The following PIBF1 variants were observed in gnomAD, a reference collection of about 807,000 sequenced individuals.
PIBF1 encodes the protein progesterone-induced-blocking factor 1.
PIBF1 carries 90 observed loss-of-function variants against 112.5 expected under a neutral mutation model. The ratio of observed to expected loss-of-function variants is 0.80; its 90% CI spans 0.67 to 0.95. PIBF1 has a LOEUF of 0.95. PIBF1 is among the 40% of genes least tolerant of loss of function. The probability of loss-of-function intolerance (pLI) is 0.00; values close to 1 mark genes in which losing one functional copy is unlikely to be tolerated. For synonymous variants in PIBF1, 301 were observed against 288.6 expected (o/e 1.04, Z -0.44); for missense variants, 915 against 852.3 (o/e 1.07, Z -0.92).
At chr13:73,004,831 T>C (rs2043982790) in intron 17 of PIBF1, among the ~76,000 whole-genome samples, 1 of 152,136 alleles carries the variant, frequency 6.6e-6, no homozygotes, top group Non-Finnish European at 1.5e-5. Context: ...GTTCTATGGA[T>C]GGACAGTAGT....
chr13:72,894,336 TC>T (rs1205570442), intron 11 of PIBF1, among the ~76,000 whole-genome samples: 1 of 152,074 alleles, frequency 6.6e-6, no homozygotes, highest in African/African-American at 2.4e-5. Context: ...ATGATATGTT[TC>T]TATCTAATCA....
At chr13:72,841,903 G>C (rs928646505) in intron 9 of PIBF1, among the ~76,000 whole-genome samples, 4 of 152,110 alleles carry the variant, frequency 2.6e-5, no homozygotes, top group Admixed American at 2.6e-4. Context: ...TGCCTATGTA[G>C]AATACTTGAA....
In PIBF1 at chr13:72,821,857, G is replaced by C; in HGVS notation, c.681G>C (p.Glu227Asp). ...NQLKQLTETY[E>D]EDRKNYSEVQ... is the part of the protein sequence containing the mutation. ...ATTCCTTTGGTTTATAGACATATGA[G>C]GAAGATCGAAAAAACTACTCTGAAG... is the stretch of plus-strand genomic sequence containing the variant. The change falls in exon 6 of 18, where the codon GAG becomes GAC. Residue 227 changes from glutamate to aspartate, a missense_variant. Transcript: ENST00000326291. The C allele has an allele frequency of 6.2e-7, 1 of 1,610,598 alleles. No homozygotes were observed. The highest frequency in any genetic ancestry group is 8.5e-7 in the Non-Finnish European group (1 of 1,178,116).
At chr13:72,972,461 C>T (rs2042920584) in intron 15 of PIBF1, among the ~76,000 whole-genome samples, 2 of 152,100 alleles carry the variant, frequency 1.3e-5, no homozygotes, top group African/African-American at 2.4e-5. Flanking sequence ...GTCAGGAATT[C>T]GAGACCAGCC....
At chr13:73,002,958 G>A (rs1172078316) in intron 17 of PIBF1, among the ~76,000 whole-genome samples, 3 of 116,602 alleles carry the variant, frequency 2.6e-5, no homozygotes, top group Non-Finnish European at 4.8e-5. Flanking sequence ...ACTCCAGCCT[G>A]GACGACACAG....
chr13:72,946,157 G>A (rs952218681), intron 14 of PIBF1, among the ~76,000 whole-genome samples: 5 of 152,142 alleles, frequency 3.3e-5, no homozygotes, highest in African/African-American at 1.2e-4. Context: ...CTGCAGGGCT[G>A]AGGAGGCCTC....
At chr13:72,798,149 C>A in intron 5 of PIBF1, 123 bp downstream of exon 5, 2 of 936,228 alleles carry the variant, frequency 2.1e-6, no homozygotes, top group Non-Finnish European at 3.1e-6. Flanking sequence ...ATGGTGACTG[C>A]TACAGTTCAA....
intron 14 of PIBF1, among the ~76,000 whole-genome samples, chr13:72,962,578 C>CA (rs202025763): frequency 0.027 from 4,027 of 148,198 alleles, 74 homozygotes; most frequent in Non-Finnish European, 0.041. Context: ...GACTAGGTGA[C>CA]AGAGTGAGTC....
chr13:72,944,329 C>T (rs1014233217), intron 14 of PIBF1, among the ~76,000 whole-genome samples: 1 of 151,860 alleles, frequency 6.6e-6, no homozygotes, highest in East Asian at 1.9e-4. Context: ...CACCTGTAAT[C>T]CCAGCTACTT....
intron 16 of PIBF1, among the ~76,000 whole-genome samples, chr13:72,990,213 CAAAAAAA>C (rs34873893): frequency 2.2e-3 from 117 of 52,716 alleles, no homozygotes; most frequent in Admixed American, 6.9e-3. Context: ...GACTCTGTCT[CAAAAAAA>C]AAAAAAAAAA....
chr13:72,935,261 G>A (rs2041835813), intron 14 of PIBF1, among the ~76,000 whole-genome samples: 1 of 152,156 alleles, frequency 6.6e-6, no homozygotes, highest in Non-Finnish European at 1.5e-5. Flanking sequence ...TGGGATTACA[G>A]GCGTGAGCAA....
intron 5 of PIBF1, among the ~76,000 whole-genome samples, chr13:72,818,012 G>C (rs2036367838): frequency 6.6e-6 from 1 of 151,902 alleles, no homozygotes; most frequent in Non-Finnish European, 1.5e-5. Context: ...ACTTAGACTT[G>C]CTTCTGTTTA....
chr13:72,830,926 A>G (rs1398540607), intron 8 of PIBF1, among the ~76,000 whole-genome samples: 2 of 152,078 alleles, frequency 1.3e-5, no homozygotes, highest in South Asian at 4.2e-4. Flanking sequence ...TTGGTAGGCT[A>G]TTACTGCCTC....
chr13:72,864,801 T>G (rs1227776010), intron 10 of PIBF1, among the ~76,000 whole-genome samples: 1 of 152,188 alleles, frequency 6.6e-6, no homozygotes, highest in Non-Finnish European at 1.5e-5. Flanking sequence ...ACAGATGAAG[T>G]GTGAGTGTAT....
At chr13:73,007,792 A>G (rs949346531) in intron 17 of PIBF1, among the ~76,000 whole-genome samples, 11 of 144,816 alleles carry the variant, frequency 7.6e-5, no homozygotes, top group Admixed American at 2.2e-4. Context: ...CTGGGCAACA[A>G]GAGCCAAACT....
rs1364376050 is a variant in PIBF1, at chr13:72,944,385, T to C, written c.1833+13118T>C. On this transcript the variant is annotated intron_variant, in intron 14 of 17. Coordinates refer to ENST00000326291, the MANE Select transcript of PIBF1 (RefSeq NM_006346.4). Reference sequence around the variant, plus strand: ...TCGGTTGAACCCAGGAGGCAGAGGTTGTAGTGAGCTGAGATTGCACCACCG... The same window carrying C: ...TCGGTTGAACCCAGGAGGCAGAGGTCGTAGTGAGCTGAGATTGCACCACCG... Among the ~76,000 whole-genome samples, 3 of 151,076 alleles carry C rather than the reference T, an allele frequency of 2.0e-5. No homozygotes were observed. In the East Asian group the frequency reaches 5.9e-4, roughly 30 times the overall value.
intron 13 of PIBF1, among the ~76,000 whole-genome samples, chr13:72,927,855 T>G (rs928113203): frequency 9.4e-5 from 14 of 149,220 alleles, no homozygotes; most frequent in Admixed American, 2.7e-4. Flanking sequence ...TTTTGTTCTT[T>G]TCTGTGTATG....
intron 6 of PIBF1, 31 bp from the exon 7 acceptor site, chr13:72,826,979 T>G (rs2036839298): frequency 7.2e-7 from 1 of 1,383,672 alleles, no homozygotes; most frequent in Non-Finnish European, 1.0e-6. Context: ...GATGTAAAAT[T>G]TACATGTCTC....
chr13:73,008,739 T>C (rs538565028), intron 17 of PIBF1, among the ~76,000 whole-genome samples: 1 of 152,306 alleles, frequency 6.6e-6, no homozygotes, highest in East Asian at 1.9e-4. Flanking sequence ...TTTGCAAAAT[T>C]AATAAATGGC....
Sources: gnomAD v4.1 joint callset for allele counts (sites outside exome capture counted in the v4.1 genomes callset) on GRCh38, gnomAD v4.1.1 for gene constraint, MANE v1.5 for transcripts, NCBI Gene and HGNC (gene_info 2026-07-23, HGNC 2026-07-21) for gene names.